The following NF2 variants were observed in gnomAD, a reference collection of about 807,000 sequenced individuals.
NF2 encodes the protein NF2, moesin-ezrin-radixin like (MERLIN) tumor suppressor.
Under a neutral mutation model 83.7 loss-of-function variants are expected in NF2, and 8 were observed. The observed-to-expected ratio is 0.10, with a 90% confidence interval of 0.06 to 0.17. The LOEUF is 0.17. NF2 is among the 10% of genes least tolerant of loss of function. The pLI is 1.00. For synonymous variants in NF2, 266 were observed against 269.6 expected, an observed-to-expected ratio of 0.99 and a Z score of 0.13; for missense variants, 533 against 744.4, an observed-to-expected ratio of 0.72 and a Z score of 3.31.
intron 1 of NF2, among the ~76,000 whole-genome samples, chr22:29,614,260 G>A (rs2065026466): frequency 6.6e-6 from 1 of 150,526 alleles, no homozygotes. Flanking sequence ...TGGCCAACAT[G>A]GTGAAACCCC....
At chr22:29,632,952 G>T (rs1224411080) in intron 1 of NF2, among the ~76,000 whole-genome samples, 1 of 152,168 alleles carries the variant, frequency 6.6e-6, no homozygotes, top group Non-Finnish European at 1.5e-5. Flanking sequence ...ACACCTGGAA[G>T]TCCCGTCCAC....
At chr22:29,616,014 C>A (rs191022361) in intron 1 of NF2, among the ~76,000 whole-genome samples, 1 of 152,146 alleles carries the variant, frequency 6.6e-6, no homozygotes, top group Non-Finnish European at 1.5e-5. Context: ...AGTACCAGCA[C>A]GTGCTTCAAC....
At chr22:29,616,348 A>G (rs2065081225) in intron 1 of NF2, among the ~76,000 whole-genome samples, 1 of 152,224 alleles carries the variant, frequency 6.6e-6, no homozygotes, top group African/African-American at 2.4e-5. Flanking sequence ...TTTAAAAAAA[A>G]CCTTAGGCAA....
intron 1 of NF2, among the ~76,000 whole-genome samples, chr22:29,628,874 A>G (rs1310572881): frequency 2.6e-5 from 4 of 151,948 alleles, no homozygotes; most frequent in Admixed American, 2.6e-4. Flanking sequence ...CAGGTGATCC[A>G]CCTGTCTCGG....
At chr22:29,664,430 T>G (rs2066560839) in intron 8 of NF2, among the ~76,000 whole-genome samples, 1 of 151,510 alleles carries the variant, frequency 6.6e-6, no homozygotes, top group South Asian at 2.1e-4. Context: ...GTCTCTACCT[T>G]ATTTCTGGTT....
chr22:29,672,117 A>C lies in NF2; in HGVS notation c.1122+169A>C, dbSNP rs372483253. Among the ~76,000 whole-genome samples the C allele has an allele frequency of 6.6e-5, 10 of 152,256 alleles. 1 individual carries two copies. Among genetic ancestry groups the C allele is most frequent in the African/African-American group, 2.2e-4 (9 of 41,546 alleles). Reference sequence around the variant, plus strand: ...TTTTCACCTGTGTTGGCAGAAGCAGATTTAGGTTGAGCTTATGTGCAGCCA... The same window carrying C: ...TTTTCACCTGTGTTGGCAGAAGCAGCTTTAGGTTGAGCTTATGTGCAGCCA... On this transcript the variant is annotated intron_variant, in intron 11 of 15. Transcript: ENST00000338641.
At chr22:29,655,449 T>C in intron 5 of NF2, 145 bp from the exon 6 acceptor site, 1 of 701,312 alleles carries the variant, frequency 1.4e-6, no homozygotes, top group South Asian at 1.7e-5. Flanking sequence ...TTACACGCCC[T>C]CTCTCTGTGT....
chr22:29,665,099 G>A (rs757460243), intron 9 of NF2, 35 bp downstream of exon 9: 166 of 1,501,458 alleles, frequency 1.1e-4, no homozygotes, highest in Non-Finnish European at 1.5e-4. Flanking sequence ...TACTGATAAT[G>A]GTAGCTTTTC....
chr22:29,653,990 T>C (rs1036113607), intron 4 of NF2, among the ~76,000 whole-genome samples: 1 of 136,758 alleles, frequency 7.3e-6, no homozygotes, highest in African/African-American at 2.6e-5. Flanking sequence ...AGGAAAGGAG[T>C]TTTTTTTTTT....
intron 4 of NF2, among the ~76,000 whole-genome samples, chr22:29,653,478 C>A (rs1401485551): frequency 6.7e-6 from 1 of 150,344 alleles, no homozygotes; most frequent in Non-Finnish European, 1.5e-5. Flanking sequence ...CAAATTAATT[C>A]TCTTAAGATT....
intron 10 of NF2, among the ~76,000 whole-genome samples, chr22:29,669,098 G>A (rs2066710016): frequency 6.6e-6 from 1 of 152,166 alleles, no homozygotes. Flanking sequence ...AGCTGCAGTT[G>A]GCTGCCCGCA....
chr22:29,648,679 C>T (rs2066053530), intron 4 of NF2, among the ~76,000 whole-genome samples: 1 of 152,210 alleles, frequency 6.6e-6, no homozygotes. Context: ...CCAGGTGGCA[C>T]AATCTCCACC....
In NF2 at chr22:29,624,231, G is replaced by A. The variant is rs139900330; in HGVS notation, c.115-12520G>A. On this transcript the variant is annotated intron_variant, in intron 1 of 15. Coordinates refer to ENST00000338641, the MANE Select transcript of NF2 (RefSeq NM_000268.4). The stretch of plus-strand genomic sequence containing the variant: ...TTGTTTTGTTTGTTTGTTTTTAGAC[G>A]GAATCTCCCTCTGTTGCCCAGGCTG... Among the ~76,000 whole-genome samples the A allele has an allele frequency of 1.5e-3, 232 of 152,062 alleles. 4 individuals carry two copies. The East Asian group carries it at 0.035, about 23-fold the overall frequency.
intron 8 of NF2, among the ~76,000 whole-genome samples, chr22:29,662,043 A>G (rs1256890084): frequency 6.6e-6 from 1 of 152,220 alleles, no homozygotes; most frequent in Non-Finnish European, 1.5e-5. Context: ...CTTTTACCAA[A>G]AAGGTCCCAT....
At position 29,603,951 on chromosome 22, in the gene NF2, A is replaced by C. The variant is rs368022063; in HGVS notation, c.-48A>C. 3.6e-5 allele frequency: 51 copies of C among 1,427,534 alleles called. No individual in the cohort carries two copies. In the African/African-American group the frequency reaches 6.5e-4, roughly 18 times the overall value. 88.4% of individuals were successfully genotyped at this position (1,427,534 alleles called of 1,614,324 possible). A position where few individuals can be genotyped will look rare whatever the true frequency, so the allele number is the denominator to read the frequency against. ...CAACTCCAGGGGGGCTAAAGGGCTC[A>C]GAGTGCAGGCCGTGGGGCGCGAGGG... is the stretch of plus-strand genomic sequence containing the variant. On this transcript the variant is annotated 5_prime_UTR_variant, in exon 1 of 16. Coordinates refer to ENST00000338641, the MANE Select transcript of NF2 (RefSeq NM_000268.4).
intron 4 of NF2, among the ~76,000 whole-genome samples, chr22:29,651,842 C>T (rs1336306295): frequency 6.6e-6 from 1 of 152,180 alleles, no homozygotes; most frequent in Non-Finnish European, 1.5e-5. Flanking sequence ...CTTTGCATAT[C>T]TGCTTGCTTT....
chr22:29,677,421 A>C (rs893899193), intron 13 of NF2, among the ~76,000 whole-genome samples: 11 of 151,370 alleles, frequency 7.3e-5, no homozygotes, highest in African/African-American at 2.7e-4. Context: ...TCTGTGACTT[A>C]GTAGGGCAAA....
chr22:29,655,550 T>A (rs942183828), intron 5 of NF2, 44 bp from the exon 6 acceptor site: 1 of 1,430,214 alleles, frequency 7.0e-7, no homozygotes, highest in Admixed American at 1.7e-5. Context: ...AATACCAAAT[T>A]TACTTCATGT....
chr22:29,681,750 A>C, intron 15 of NF2, 149 bp downstream of exon 15: 2 of 920,352 alleles, frequency 2.2e-6, no homozygotes, highest in Non-Finnish European at 3.4e-6. Context: ...AACTTATGCC[A>C]GAAAGGGAAT....
Sources: gnomAD v4.1 joint callset for allele counts (sites outside exome capture counted in the v4.1 genomes callset) on GRCh38, gnomAD v4.1.1 for gene constraint, MANE v1.5 for transcripts, NCBI Gene and HGNC (gene_info 2026-07-23, HGNC 2026-07-21) for gene names.